Variants in LZTR1 observed in about 807,000 individuals in gnomAD.
LZTR1 encodes leucine zipper like post translational regulator 1, also known as leucine-zipper-like transcriptional regulator 1.
Under a neutral mutation model 105.7 loss-of-function variants are expected in LZTR1, and 260 were observed. The ratio of observed to expected loss-of-function variants is 2.46; its 90% CI spans 2.22 to 2.72. The LOEUF (loss-of-function observed/expected upper bound fraction) is 2.72, where lower values mean the gene tolerates loss of function less well. LZTR1 is among the 30% of genes most tolerant of loss of function. LZTR1 has a pLI of 0.00. For missense variants in LZTR1, 1,214 were observed against 1,166.9 expected, an observed-to-expected ratio of 1.04 and a Z score of -0.59; for synonymous variants, 490 against 476.4, an observed-to-expected ratio of 1.03 and a Z score of -0.37.
chr22:20,997,028 G>C, intron 20 of LZTR1, 62 bp downstream of exon 20: 1 of 1,559,574 alleles, frequency 6.4e-7, no homozygotes, highest in Non-Finnish European at 8.8e-7. Flanking sequence ...TGCCCAGGCA[G>C]GGAGGGTGCC....
intron 2 of LZTR1, among the ~76,000 whole-genome samples, chr22:20,985,522 G>A (rs992857731): frequency 6.6e-6 from 1 of 152,224 alleles, no homozygotes; most frequent in Non-Finnish European, 1.5e-5. Flanking sequence ...TGAGGTGTGA[G>A]GGTGACTCTG....
rs1448380294 is a variant in LZTR1 at position 20,994,729 on chromosome 22, T to A, written c.1785+2T>A. 3 of 1,611,042 alleles carry A rather than the reference T, an allele frequency of 1.9e-6. No individual in the cohort carries two copies. In the African/African-American group the frequency reaches 4.0e-5, roughly 22 times the overall value. On this transcript the variant is annotated splice_donor_variant, in intron 15 of 20. Transcript: ENST00000646124. LOFTEE classifies it high-confidence loss of function. ...CGGCTGCAGCTGAGCCAACTCAAGG[T>A]GTGGGGTGGGGTCAGCGCAATCAGG...
intron 9 of LZTR1, 26 bp downstream of exon 9, chr22:20,991,855 C>A (rs1279944260): frequency 2.6e-6 from 4 of 1,532,282 alleles, no homozygotes; most frequent in Middle Eastern, 3.4e-4. Flanking sequence ...GGTGTCCTGA[C>A]CTGCCAGCTG....
chr22:20,990,475 C>A lies in LZTR1; in HGVS notation c.741C>A (p.Ser247Arg). The A allele has an allele frequency of 6.2e-7, 1 of 1,613,846 alleles. No individual in the cohort carries two copies. Reference sequence around the variant, plus strand: ...AGATGTTTGTATTCTCTGGGCAAAGCGGAGCCAAAATAACCAACAACCTCT... The same window carrying A: ...AGATGTTTGTATTCTCTGGGCAAAGAGGAGCCAAAATAACCAACAACCTCT... ...RDKMFVFSGQSGAKITNNLFQ... is the reference protein window; with the variant it reads ...RDKMFVFSGQRGAKITNNLFQ... Residue 247 changes from serine to arginine, a missense_variant, in exon 8 of 21, where the codon AGC becomes AGA. By Grantham distance (110) the Ser-to-Arg change is moderately radical. Coordinates refer to ENST00000646124, the MANE Select transcript of LZTR1 (RefSeq NM_006767.4).
intron 5 of LZTR1, among the ~76,000 whole-genome samples, 174 bp downstream of exon 5, chr22:20,988,292 A>C (rs1423063600): frequency 6.6e-6 from 1 of 152,102 alleles, no homozygotes; most frequent in Non-Finnish European, 1.5e-5. Context: ...CCCAGCCCTT[A>C]GACTCCCTCC....
At chr22:20,993,850 C>A in intron 12 of LZTR1, 74 bp from the exon 13 acceptor site, 1 of 1,569,154 alleles carries the variant, frequency 6.4e-7, no homozygotes, top group Non-Finnish European at 8.7e-7. Context: ...GTGGTGCTGA[C>A]CTTGGCTGGC....
chr22:20,993,825 A>G, intron 12 of LZTR1, 71 bp downstream of exon 12: 1 of 1,571,426 alleles, frequency 6.4e-7, no homozygotes, highest in South Asian at 1.1e-5. Flanking sequence ...CCTCAGAAAA[A>G]CAGCTGCTGG....
chr22:20,984,630 T>G, intron 2 of LZTR1, among the ~76,000 whole-genome samples: 2 of 143,512 alleles, frequency 1.4e-5, no homozygotes, highest in African/African-American at 2.5e-5. Context: ...GGGGGCGGTA[T>G]CACAATCACC....
chr22:20,988,801 T>G lies in LZTR1; in HGVS notation c.522T>G (p.Ala174=), dbSNP rs745514794. The change falls in exon 6 of 21, where the codon GCT becomes GCG. Residue 174 remains alanine, a synonymous_variant. Coordinates refer to ENST00000646124, the MANE Select transcript of LZTR1 (RefSeq NM_006767.4). ...CCTCACACTCCAGGTTGCCAGTCGC[T>G]AGGTCAGCCCATGGGGCCACGGTGT... ...EWKIEGRLPV[A]RSAHGATVYS... 24 of 1,614,024 alleles carry G rather than the reference T, an allele frequency of 1.5e-5. No homozygotes were observed. The East Asian group carries it at 5.1e-4, about 34-fold the overall frequency.
At chr22:20,994,072 T>G in intron 13 of LZTR1, 32 bp from the exon 14 acceptor site, 1 of 1,581,024 alleles carries the variant, frequency 6.3e-7, no homozygotes, top group South Asian at 1.1e-5. Context: ...TGGTGTCCAC[T>G]GGGGTGTCCT....
chr22:20,993,905 T>C lies in LZTR1; in HGVS notation c.1354-19T>C, dbSNP rs376603441. 1.6e-5 allele frequency: 25 copies of C among 1,607,296 alleles called. No individual in the cohort carries two copies. The African/African-American group carries it at 2.4e-4, about 15-fold the overall frequency. On this transcript the variant is annotated intron_variant, in intron 12 of 20. Coordinates refer to ENST00000646124, the MANE Select transcript of LZTR1 (RefSeq NM_006767.4). ...GCGAGGGTCCTGTGCCCTCTGCCAGTGCATCATTCTTTGTGCAGAAGGAGG... is the reference window on the plus strand; with the variant it reads ...GCGAGGGTCCTGTGCCCTCTGCCAGCGCATCATTCTTTGTGCAGAAGGAGG...
chr22:20,994,312 G>A, intron 14 of LZTR1, 43 bp downstream of exon 14: 2 of 1,581,706 alleles, frequency 1.3e-6, no homozygotes, highest in Non-Finnish European at 8.6e-7. Flanking sequence ...GTGGGCTGGG[G>A]TGCGGGCAGC....
At chr22:20,992,551 G>A in intron 10 of LZTR1, 182 bp downstream of exon 10, 1 of 745,912 alleles carries the variant, frequency 1.3e-6, no homozygotes, top group Non-Finnish European at 2.1e-6. Context: ...TGGGGTGGGT[G>A]CCACACACTG....
chr22:20,995,136 G>T, intron 16 of LZTR1, 110 bp downstream of exon 16: 1 of 1,264,604 alleles, frequency 7.9e-7, no homozygotes. Context: ...GTGGGGGTGG[G>T]TGCCATGGGA....
chr22:20,995,388 C>G, intron 16 of LZTR1: 1 of 609,138 alleles, frequency 1.6e-6, no homozygotes. Context: ...TCCCCCAGCT[C>G]TCCCTGGGGC....
chr22:20,993,795 T>C lies in LZTR1; in HGVS notation c.1353+41T>C, dbSNP rs178291. ...CGCACCCTGCTCTGCCTGCTGTGCC[T>C]GGGCAGTGGGAATTTCGCCCCTCAG... On this transcript the variant is annotated intron_variant, in intron 12 of 20. Transcript: ENST00000646124. The C allele has an allele frequency of 0.77, 1,219,653 of 1,589,076 alleles. 470,259 individuals carry two copies. The highest frequency in any genetic ancestry group is 0.87 in the Admixed American group (51,012 of 58,822).
Position 20,997,143 on chromosome 22 carries a change from G to C in LZTR1, c.2407-89G>C, listed in dbSNP as rs374392737. 343 of 1,142,250 alleles carry C rather than the reference G, an allele frequency of 3.0e-4. 1 individual carries two copies. The African/African-American group carries it at 4.3e-3, about 14-fold the overall frequency. 70.8% of individuals were successfully genotyped at this position (1,142,250 alleles called of 1,614,324 possible). ...CATCCTTGGGACCAGCCTGAGCCCTGAGCAGGGTAGGCCCCACAGGGCTCC... is the reference window on the plus strand; with the variant it reads ...CATCCTTGGGACCAGCCTGAGCCCTCAGCAGGGTAGGCCCCACAGGGCTCC... On this transcript the variant is annotated intron_variant, in intron 20 of 20. Transcript: ENST00000646124.
chr22:20,991,881 T>G, intron 9 of LZTR1, 52 bp downstream of exon 9: 15 of 1,469,132 alleles, frequency 1.0e-5, no homozygotes, highest in Non-Finnish European at 1.4e-5. Flanking sequence ...CAGTAGCTCC[T>G]ACCCTGCTCC....
chr22:20,997,080 G>C (rs1305463121), intron 20 of LZTR1, 114 bp downstream of exon 20: 2 of 1,218,534 alleles, frequency 1.6e-6, no homozygotes, highest in Non-Finnish European at 2.4e-6. Context: ...CTGGGGGTGA[G>C]AGAAGCAGAG....
Sources: allele counts gnomAD v4.1 joint callset (sites outside exome capture counted in the v4.1 genomes callset), GRCh38; gene constraint gnomAD v4.1.1; transcripts MANE v1.5; gene names NCBI Gene and HGNC (gene_info 2026-07-23, HGNC 2026-07-21).